KCNB2: variants seen among roughly 807,000 people sequenced by gnomAD.
KCNB2 encodes potassium voltage-gated channel subfamily B member 2, also known as delayed rectifier potassium channel protein.
KCNB2 carries 15 observed loss-of-function variants against 61.5 expected under a neutral mutation model. That is an observed-to-expected ratio of 0.24 (90% CI 0.16 to 0.38). KCNB2 has a LOEUF of 0.38. KCNB2 is among the 10% of genes least tolerant of loss of function. KCNB2 has a pLI of 1.00. For synonymous variants in KCNB2, 457 were observed against 446.0 expected (o/e 1.02, Z -0.31); for missense variants, 828 against 1,125.2 (o/e 0.74, Z 3.78).
chr8:72,814,647 A>G (rs1351609280), intron 2 of KCNB2, among the ~76,000 whole-genome samples: 1 of 152,202 alleles, frequency 6.6e-6, no homozygotes, highest in Non-Finnish European at 1.5e-5. Context: ...GTAGGCAAAG[A>G]CTTCATTATT....
Position 72,882,641 on chromosome 8 carries a change from A to C in KCNB2, c.580-53294A>C, listed in dbSNP as rs1805736061. On this transcript the variant is annotated intron_variant, in intron 2 of 2. Coordinates refer to ENST00000523207, the MANE Select transcript of KCNB2 (RefSeq NM_004770.3). ...ACCCAGTCGGTCGTGGGATTCCAGC[A>C]GCTGGTGCTTTCTCTGCCAGAGAAA... Among the ~76,000 whole-genome samples the C allele has an allele frequency of 2.0e-5, 3 of 151,836 alleles. No homozygotes were observed. In the South Asian group the frequency reaches 6.3e-4, roughly 32 times the overall value.
intron 2 of KCNB2, among the ~76,000 whole-genome samples, chr8:72,778,005 T>C (rs1808684581): frequency 6.6e-6 from 1 of 152,238 alleles, no homozygotes; most frequent in African/African-American, 2.4e-5. Flanking sequence ...TTTCTTCCCG[T>C]CTTTTCTTTA....
chr8:72,927,134 G>A (rs1482072863), intron 2 of KCNB2, among the ~76,000 whole-genome samples: 1 of 152,150 alleles, frequency 6.6e-6, no homozygotes, highest in Non-Finnish European at 1.5e-5. Flanking sequence ...TGATGTGGTT[G>A]TTCTGGGGAC....
intron 1 of KCNB2, among the ~76,000 whole-genome samples, chr8:72,557,817 A>G (rs1563522260): frequency 6.6e-6 from 1 of 152,198 alleles, no homozygotes; most frequent in African/African-American, 2.4e-5. Flanking sequence ...TTGTTGGGCA[A>G]CAATAATTAC....
At chr8:72,542,055 ATTTAT>A (rs775000861) in intron 1 of KCNB2, among the ~76,000 whole-genome samples, 2 of 152,122 alleles carry the variant, frequency 1.3e-5, no homozygotes, top group African/African-American at 4.8e-5. Context: ...TCTAGAATGC[ATTTAT>A]TTTATTAAGT....
intron 2 of KCNB2, among the ~76,000 whole-genome samples, chr8:72,886,063 A>G (rs562663382): frequency 1.1e-4 from 17 of 152,338 alleles, no homozygotes; most frequent in African/African-American, 4.1e-4. Flanking sequence ...ATCTTTCCCT[A>G]TATCAGAAAT....
chr8:72,608,414 A>G (rs563020619), intron 2 of KCNB2, among the ~76,000 whole-genome samples: 1 of 152,264 alleles, frequency 6.6e-6, no homozygotes, highest in African/African-American at 2.4e-5. Flanking sequence ...AAATTACTCT[A>G]GCCCCTGTTT....
chr8:72,653,232 ATC>A (rs1408125399), intron 2 of KCNB2, among the ~76,000 whole-genome samples: 3 of 152,306 alleles, frequency 2.0e-5, no homozygotes, highest in Non-Finnish European at 4.4e-5. Flanking sequence ...CCATGAAAAT[ATC>A]TCTTGGAGGA....
At position 72,937,631 on chromosome 8, in the gene KCNB2, A is replaced by G; in HGVS notation, c.2276A>G (p.Glu759Gly). 6.2e-7 allele frequency: 1 copy of G among 1,614,048 alleles called. No homozygotes were observed. Among genetic ancestry groups the G allele is most frequent in the Non-Finnish European group, 8.5e-7 (1 of 1,180,000 alleles). ...PQHISTILLE[E>G]TPSQGDRPLL... is the part of the protein sequence containing the mutation. ...CACATCAGTACCATCCTCTTAGAAG[A>G]AACCCCCTCCCAGGGAGACAGACCC... Residue 759 changes from glutamate (E) to glycine (G), a missense_variant, in exon 3 of 3, where the codon GAA (glutamate) becomes GGA (glycine). Glu to Gly is a moderately conservative substitution (Grantham distance 98, BLOSUM62 -2). Transcript: ENST00000523207.
intron 2 of KCNB2, among the ~76,000 whole-genome samples, chr8:72,610,307 G>C (rs1805518000): frequency 6.6e-6 from 1 of 152,156 alleles, no homozygotes; most frequent in Admixed American, 6.5e-5. Flanking sequence ...TCCTCCAACT[G>C]ATGTGCTTAA....
At chr8:72,693,945 CTT>C (rs1181915895) in intron 2 of KCNB2, among the ~76,000 whole-genome samples, 2 of 152,242 alleles carry the variant, frequency 1.3e-5, no homozygotes, top group East Asian at 1.9e-4. Flanking sequence ...TACAGGAACA[CTT>C]ATATCAAATC....
chr8:72,829,517 A>G (rs1039776525), intron 2 of KCNB2, among the ~76,000 whole-genome samples: 1 of 152,190 alleles, frequency 6.6e-6, no homozygotes, highest in African/African-American at 2.4e-5. Context: ...GTTCCCAAAG[A>G]ATTTTTTAGA....
At chr8:72,616,583 A>G (rs1805622988) in intron 2 of KCNB2, among the ~76,000 whole-genome samples, 1 of 152,072 alleles carries the variant, frequency 6.6e-6, no homozygotes, top group South Asian at 2.1e-4. Context: ...TTTCATCTCT[A>G]TCACTTTATT....
intron 2 of KCNB2, among the ~76,000 whole-genome samples, chr8:72,927,885 A>G (rs895704021): frequency 2.6e-5 from 4 of 152,032 alleles, no homozygotes; most frequent in African/African-American, 9.7e-5. Context: ...TTTGCCCACC[A>G]TTTTCCTCAG....
chr8:72,714,515 TAAAGA>T (rs376500577), intron 2 of KCNB2, among the ~76,000 whole-genome samples: 27,508 of 151,650 alleles, frequency 0.18, 3,257 homozygotes, highest in African/African-American at 0.34. Context: ...TCAACATTCT[TAAAGA>T]AAAGAATTTT....
chr8:72,869,485 C>G (rs1241527691), intron 2 of KCNB2, among the ~76,000 whole-genome samples: 1 of 151,762 alleles, frequency 6.6e-6, no homozygotes. Flanking sequence ...TAAGGAACTC[C>G]TACAACTCAA....
intron 2 of KCNB2, among the ~76,000 whole-genome samples, chr8:72,779,624 A>G (rs180710173): frequency 2.0e-5 from 3 of 152,318 alleles, no homozygotes; most frequent in African/African-American, 7.2e-5. Context: ...GCAAAACTCA[A>G]TTAGTGAGTT....
At chr8:72,874,911 C>T (rs900390071) in intron 2 of KCNB2, 2 of 152,246 alleles carry the variant, frequency 1.3e-5, no homozygotes, top group East Asian at 1.9e-4. Flanking sequence ...TCTGCTACAA[C>T]CTCAAAACAA....
chr8:72,857,257 G>A (rs537126565), intron 2 of KCNB2, among the ~76,000 whole-genome samples: 1 of 152,302 alleles, frequency 6.6e-6, no homozygotes, highest in African/African-American at 2.4e-5. Context: ...GCCTGGACCA[G>A]AGGTTCATTA....
Sources: allele counts gnomAD v4.1 joint callset (sites outside exome capture counted in the v4.1 genomes callset), GRCh38; gene constraint gnomAD v4.1.1; transcripts MANE v1.5; gene names NCBI Gene and HGNC (gene_info 2026-07-23, HGNC 2026-07-21).